TLR6: variants seen among roughly 807,000 people sequenced by gnomAD.
The protein encoded by TLR6 is toll like receptor 6.
A neutral mutation model predicts 16.1 loss-of-function variants in TLR6; 9 were observed. That is an observed-to-expected ratio of 0.56 (90% CI 0.34 to 0.98). The LOEUF (loss-of-function observed/expected upper bound fraction) is 0.98, where lower values mean the gene tolerates loss of function less well. TLR6 is among the 50% of genes least tolerant of loss of function. The probability of loss-of-function intolerance (pLI) is 0.02; values close to 1 mark genes in which losing one functional copy is unlikely to be tolerated. For missense variants in TLR6, 786 were observed against 921.0 expected, an observed-to-expected ratio of 0.85 and a Z score of 1.90; for synonymous variants, 340 against 338.6, an observed-to-expected ratio of 1.00 and a Z score of -0.04.
chr4:38,838,120 A>G (rs901508984), intron 1 of TLR6, among the ~76,000 whole-genome samples: 1 of 152,226 alleles, frequency 6.6e-6, no homozygotes, highest in South Asian at 2.1e-4. Context: ...ATGCAGAGAA[A>G]AGGGAACTCT....
chr4:38,828,594 C>T (rs1373399769), exon 2 of TLR6: 1 of 1,613,886 alleles, frequency 6.2e-7, no homozygotes, highest in Non-Finnish European at 8.5e-7. Flanking sequence ...AAATCTTCTT[C>T]ACGAATGCTT....
exon 2 of TLR6, chr4:38,825,136 G>A (rs529702589): frequency 1.3e-5 from 2 of 152,092 alleles, no homozygotes; most frequent in Non-Finnish European, 2.9e-5. Context: ...AGAAAGCGAG[G>A]GCTTCATTTT....
the TLR6 span, among the ~76,000 whole-genome samples, chr4:38,862,301 T>C: frequency 6.6e-6 from 1 of 152,080 alleles, no homozygotes; most frequent in Non-Finnish European, 1.5e-5. Context: ...TTATTTTAGA[T>C]AAGGTTTCAC....
exon 2 of TLR6, chr4:38,827,560 T>G: frequency 6.2e-7 from 1 of 1,614,236 alleles, no homozygotes; most frequent in East Asian, 2.2e-5. Flanking sequence ...ACTGGAGGTT[T>G]CTTTGGAGTT....
chr4:38,860,554 C>T (rs980773404), upstream of TLR6, among the ~76,000 whole-genome samples: 1 of 137,798 alleles, frequency 7.3e-6, no homozygotes, highest in African/African-American at 2.6e-5. Flanking sequence ...AAAAAAAAGA[C>T]AAGCCGCAGA....
In TLR6 at chr4:38,852,567, G is replaced by A. The variant is rs560163586; in HGVS notation, c.-65+4194C>T. ...TAAACAACCCCATCAAAAAGTGGGC[G>A]AAGGATATGAACAGACACTTCTCAA... On this transcript the variant is annotated intron_variant, in intron 1 of 1. Coordinates refer to ENST00000436693, the Ensembl canonical transcript of TLR6. Among the ~76,000 whole-genome samples, 696 of 152,182 alleles carry A rather than the reference G, an allele frequency of 4.6e-3. 8 individuals are homozygous for A. The highest frequency in any genetic ancestry group is 0.015 in the African/African-American group (629 of 41,508).
At chr4:38,845,804 G>C (rs936619974) in intron 1 of TLR6, among the ~76,000 whole-genome samples, 2 of 152,140 alleles carry the variant, frequency 1.3e-5, no homozygotes, top group Non-Finnish European at 2.9e-5. Context: ...AATTAGTAGA[G>C]ACTGGGGCCA....
chr4:38,845,935 T>C (rs1001349256), intron 1 of TLR6, among the ~76,000 whole-genome samples: 1 of 151,448 alleles, frequency 6.6e-6, no homozygotes, highest in Admixed American at 6.6e-5. Context: ...CCATTAAAAA[T>C]ACAAAAATTA....
intron 1 of TLR6, among the ~76,000 whole-genome samples, chr4:38,852,551 C>G (rs1264931196): frequency 6.6e-6 from 1 of 152,014 alleles, no homozygotes; most frequent in Non-Finnish European, 1.5e-5. Flanking sequence ...ATAAACAACC[C>G]CATCAAAAAG....
chr4:38,823,234 C>T (rs115701129), downstream of TLR6, among the ~76,000 whole-genome samples: 1,504 of 152,244 alleles, frequency 9.9e-3, 23 homozygotes, highest in African/African-American at 0.034. Context: ...ATCTTCTTTA[C>T]CATATTTTTA....
intron 1 of TLR6, among the ~76,000 whole-genome samples, chr4:38,837,331 A>T (rs1711979465): frequency 6.6e-6 from 1 of 152,228 alleles, no homozygotes; most frequent in Non-Finnish European, 1.5e-5. Context: ...CTTGACTTCA[A>T]ACGATACTGC....
upstream of TLR6, among the ~76,000 whole-genome samples, chr4:38,858,832 GAAGAAAGAAAGAAAGAAAGAAAGA>G (rs71190999): frequency 9.8e-5 from 5 of 50,892 alleles, no homozygotes; most frequent in East Asian, 6.3e-4. Context: ...AGAGAGAGAG[GAAGAAAGAAAGAAAGAAAGAAAGA>G]AAGAAAGAAA....
chr4:38,851,451 C>T (rs186702593), intron 1 of TLR6, among the ~76,000 whole-genome samples: 52 of 152,288 alleles, frequency 3.4e-4, no homozygotes, highest in African/African-American at 1.2e-3. Flanking sequence ...CAAATTGTCC[C>T]TCTTTGCAGA....
intron 1 of TLR6, among the ~76,000 whole-genome samples, chr4:38,830,558 T>C (rs141148616): frequency 4.8e-4 from 73 of 152,080 alleles, no homozygotes; most frequent in African/African-American, 1.7e-3. Flanking sequence ...CTACAAAAAA[T>C]ACAAAACTTA....
chr4:38,864,897 C>T, the TLR6 span, among the ~76,000 whole-genome samples: 5 of 152,106 alleles, frequency 3.3e-5, no homozygotes, highest in African/African-American at 9.7e-5. Flanking sequence ...GTGATCCTAG[C>T]TCCTTGTGAG....
At chr4:38,831,293 C>A (rs78774405) in intron 1 of TLR6, among the ~76,000 whole-genome samples, 39 of 140,448 alleles carry the variant, frequency 2.8e-4, no homozygotes, top group African/African-American at 4.1e-4. Context: ...CCTCCACATG[C>A]AAAAAAAAAA....
the TLR6 span, among the ~76,000 whole-genome samples, chr4:38,864,712 A>C: frequency 6.6e-6 from 1 of 152,248 alleles, no homozygotes; most frequent in African/African-American, 2.4e-5. Context: ...GCAAACATTT[A>C]GAAATATGAG....
chr4:38,840,921 T>C lies in TLR6; in HGVS notation c.-64-11384A>G, dbSNP rs940905976. Among the ~76,000 whole-genome samples the C allele has an allele frequency of 1.6e-4, 25 of 152,204 alleles. 1 individual carries two copies. The highest frequency in any genetic ancestry group is 6.5e-4 in the Admixed American group (10 of 15,280). Reference sequence around the variant, plus strand: ...AGTGCCCTGAAAGAAATAAATCAGCTATTTGTTGTGATGCAAGACTTTAAA... The same window carrying C: ...AGTGCCCTGAAAGAAATAAATCAGCCATTTGTTGTGATGCAAGACTTTAAA... On this transcript the variant is annotated intron_variant, in intron 1 of 1. Transcript: ENST00000436693.
chr4:38,846,088 CAAAAA>C (rs10713614), intron 1 of TLR6, among the ~76,000 whole-genome samples: 1 of 97,040 alleles, frequency 1.0e-5, no homozygotes, highest in African/African-American at 3.6e-5. Flanking sequence ...CGAGACATCT[CAAAAA>C]AAAAAAAAAA....
Sources: allele counts gnomAD v4.1 joint callset (sites outside exome capture counted in the v4.1 genomes callset), GRCh38; gene constraint gnomAD v4.1.1; transcripts MANE v1.5; gene names NCBI Gene and HGNC (gene_info 2026-07-23, HGNC 2026-07-21).